Variants in OCA2 observed in about 807,000 individuals in gnomAD.
OCA2 encodes the protein OCA2 melanosomal transmembrane protein.
In OCA2, 77 loss-of-function variants were observed where a neutral mutation model predicts 100.2. The observed-to-expected ratio is 0.77, with a 90% CI of 0.64 to 0.93. The LOEUF (loss-of-function observed/expected upper bound fraction) is 0.93. OCA2 is among the 40% of genes least tolerant of loss of function. OCA2 has a pLI of 0.00. For synonymous variants in OCA2, 432 were observed against 439.2 expected (o/e 0.98, Z 0.21); for missense variants, 1,062 against 1,089.1 (o/e 0.98, Z 0.35).
chr15:28,026,702 C>T (rs1195556046), intron 4 of OCA2, among the ~76,000 whole-genome samples: 6 of 152,154 alleles, frequency 3.9e-5, no homozygotes, highest in African/African-American at 1.4e-4. Context: ...TATAGGATAG[C>T]GGATCCCTAC....
At chr15:27,977,392 A>G (rs1031320495) in intron 14 of OCA2, among the ~76,000 whole-genome samples, 1 of 152,186 alleles carries the variant, frequency 6.6e-6, no homozygotes, top group African/African-American at 2.4e-5. Flanking sequence ...ACTGCTTTAG[A>G]GTAGGGACTA....
intron 2 of OCA2, among the ~76,000 whole-genome samples, chr15:28,079,477 C>G (rs529164141): frequency 3.3e-4 from 51 of 152,258 alleles, no homozygotes; most frequent in African/African-American, 1.2e-3. Flanking sequence ...TCACCTAGGG[C>G]CATGTGGGCA....
intron 23 of OCA2, among the ~76,000 whole-genome samples, chr15:27,838,763 G>C (rs533254731): frequency 6.6e-6 from 1 of 152,194 alleles, no homozygotes; most frequent in East Asian, 1.9e-4. Context: ...GAGAAGGTAC[G>C]TGTGAACCAA....
At chr15:27,876,653 G>T (rs144807311) in intron 19 of OCA2, among the ~76,000 whole-genome samples, 1 of 151,978 alleles carries the variant, frequency 6.6e-6, no homozygotes, top group East Asian at 1.9e-4. Flanking sequence ...CTATTAAAAC[G>T]AGTCTATTTT....
chr15:27,782,833 T>C (rs1284521935), intron 23 of OCA2, among the ~76,000 whole-genome samples: 3 of 152,244 alleles, frequency 2.0e-5, no homozygotes, highest in African/African-American at 7.2e-5. Flanking sequence ...CCATAGGGGC[T>C]CTAAAGTAAA....
chr15:27,776,195 C>T (rs1190893041), intron 23 of OCA2, among the ~76,000 whole-genome samples: 2 of 152,210 alleles, frequency 1.3e-5, no homozygotes, highest in Admixed American at 6.5e-5. Flanking sequence ...GCTGCGGTTC[C>T]GGCCCATGGT....
intron 19 of OCA2, among the ~76,000 whole-genome samples, chr15:27,875,928 T>A (rs2036772050): frequency 6.6e-6 from 1 of 152,046 alleles, no homozygotes. Flanking sequence ...GTAGACCACT[T>A]GAGATTTTCT....
At chr15:27,869,672 A>G (rs1274180243) in intron 21 of OCA2, among the ~76,000 whole-genome samples, 1 of 152,226 alleles carries the variant, frequency 6.6e-6, no homozygotes, top group African/African-American at 2.4e-5. Context: ...CTGTGAGCGC[A>G]GGGTCAGAAG....
At chr15:27,806,668 A>C (rs2033865645) in intron 23 of OCA2, among the ~76,000 whole-genome samples, 1 of 152,248 alleles carries the variant, frequency 6.6e-6, no homozygotes, top group South Asian at 2.1e-4. Context: ...TACCTGGCAC[A>C]CATGCTTAGC....
At chr15:27,756,678 T>C (rs1470038953) in intron 23 of OCA2, among the ~76,000 whole-genome samples, 1 of 152,192 alleles carries the variant, frequency 6.6e-6, no homozygotes, top group Non-Finnish European at 1.5e-5. Flanking sequence ...CAAGCCTTCA[T>C]GGAAGCACAA....
Position 28,018,571 on chromosome 15 carries a change from AAGG to A in OCA2, c.647-17_647-15del. On this transcript the variant is annotated splice_polypyrimidine_tract_variant and intron_variant, in intron 6 of 23. Coordinates refer to ENST00000354638, the MANE Select transcript of OCA2 (RefSeq NM_000275.3). Reference sequence around the variant, plus strand: ...TAAGGTTCACGGCTCGGAGAGTGTCAAGGAGAACCACAAGGCAGACAGGAGAAA... The same window carrying A: ...TAAGGTTCACGGCTCGGAGAGTGTCAAGAACCACAAGGCAGACAGGAGAAA... 1.2e-6 allele frequency: 2 copies of A among 1,610,810 alleles called. No individual in the cohort carries two copies. The highest frequency in any genetic ancestry group is 1.7e-6 in the Non-Finnish European group (2 of 1,179,232).
intron 18 of OCA2, among the ~76,000 whole-genome samples, chr15:27,947,264 T>A (rs1012470370): frequency 5.3e-5 from 8 of 152,342 alleles, no homozygotes; most frequent in African/African-American, 1.9e-4. Flanking sequence ...CCTTGGCCCC[T>A]GTGAAACCCA....
At chr15:27,767,987 C>T (rs1417238409) in intron 23 of OCA2, among the ~76,000 whole-genome samples, 1 of 152,176 alleles carries the variant, frequency 6.6e-6, no homozygotes, top group East Asian at 1.9e-4. Context: ...GCCACAATGG[C>T]AGTGGAGGAA....
At chr15:27,729,254 C>A in the OCA2 span, among the ~76,000 whole-genome samples, 1 of 147,584 alleles carries the variant, frequency 6.8e-6, no homozygotes, top group Non-Finnish European at 1.5e-5. Context: ...CCCTCACTTT[C>A]TTCTGTTTCC....
chr15:27,748,310 T>G, the OCA2 span, among the ~76,000 whole-genome samples: 62,840 of 151,932 alleles, frequency 0.41, 13,586 homozygotes, highest in Non-Finnish European at 0.46. Flanking sequence ...GCTCCATAGT[T>G]GGGGGAGAAC....
chr15:28,062,794 C>T (rs1188457699), intron 2 of OCA2, among the ~76,000 whole-genome samples: 3 of 152,148 alleles, frequency 2.0e-5, no homozygotes, highest in Non-Finnish European at 2.9e-5. Flanking sequence ...TATCCCAGCA[C>T]AATTTGTTGG....
chr15:27,795,649 T>A (rs1326961077), intron 23 of OCA2, among the ~76,000 whole-genome samples: 2 of 152,220 alleles, frequency 1.3e-5, no homozygotes, highest in South Asian at 4.1e-4. Context: ...GAAACAATTA[T>A]CAGTTCAAGT....
the OCA2 span, among the ~76,000 whole-genome samples, chr15:27,747,401 A>C: frequency 6.6e-6 from 1 of 152,236 alleles, no homozygotes; most frequent in Non-Finnish European, 1.5e-5. Context: ...GAAAATTGAC[A>C]TTGTGGTGTA....
intron 14 of OCA2, among the ~76,000 whole-genome samples, chr15:27,978,664 A>G (rs866259436): frequency 2.0e-5 from 3 of 151,768 alleles, no homozygotes; most frequent in Non-Finnish European, 4.4e-5. Flanking sequence ...ATATGTGTGT[A>G]TATATATAGA....
Sources: gnomAD v4.1 joint callset for allele counts (sites outside exome capture counted in the v4.1 genomes callset) on GRCh38, gnomAD v4.1.1 for gene constraint, MANE v1.5 for transcripts, NCBI Gene and HGNC (gene_info 2026-07-23, HGNC 2026-07-21) for gene names.